The following PRAMEF11 variants were observed in gnomAD, a reference collection of about 807,000 sequenced individuals.
PRAMEF11 encodes the protein PRAME family member 11.
Under a neutral mutation model 33.6 loss-of-function variants are expected in PRAMEF11, and 17 were observed. The observed-to-expected ratio is 0.51, with a 90% CI of 0.35 to 0.76. PRAMEF11 has a LOEUF of 0.76. Ranked by LOEUF, PRAMEF11 falls within the 30% of genes least tolerant of loss-of-function variation. The pLI is 0.01. For synonymous variants in PRAMEF11, 205 were observed against 227.3 expected, an observed-to-expected ratio of 0.90 and a Z score of 0.88; for missense variants, 568 against 567.0, an observed-to-expected ratio of 1.00 and a Z score of -0.02.
chr1:12,826,806 T>C (rs1043825792), intron 3 of PRAMEF11, among the ~76,000 whole-genome samples: 134 of 151,336 alleles, frequency 8.9e-4, no homozygotes, highest in African/African-American at 3.2e-3. Context: ...TATTTATTCA[T>C]TTCTGACAGG....
At chr1:12,829,065 G>A (rs1308271001) in intron 1 of PRAMEF11, among the ~76,000 whole-genome samples, 1 of 151,582 alleles carries the variant, frequency 6.6e-6, no homozygotes, top group Non-Finnish European at 1.5e-5. Flanking sequence ...TGACTAGTGA[G>A]TGTGGAGGAA....
chr1:12,826,987 C>G (rs1326348967), intron 3 of PRAMEF11, among the ~76,000 whole-genome samples: 2 of 151,140 alleles, frequency 1.3e-5, no homozygotes, highest in Non-Finnish European at 3.0e-5. Context: ...GGCACCCTCA[C>G]TAGATCTGAA....
At chr1:12,830,368 A>G (rs1448205404) in intron 1 of PRAMEF11, among the ~76,000 whole-genome samples, 14 of 151,058 alleles carry the variant, frequency 9.3e-5, no homozygotes, top group Non-Finnish European at 1.8e-4. Context: ...GCTCACTGTT[A>G]CCTCGGCCTC....
chr1:12,830,399 T>C (rs1470448465), intron 1 of PRAMEF11, among the ~76,000 whole-genome samples: 2 of 151,376 alleles, frequency 1.3e-5, no homozygotes, highest in Non-Finnish European at 2.9e-5. Flanking sequence ...GCAATTCTCA[T>C]GCTTCAGCCT....
chr1:12,830,850 A>G (rs551074626), intron 1 of PRAMEF11, among the ~76,000 whole-genome samples: 12 of 150,654 alleles, frequency 8.0e-5, no homozygotes, highest in African/African-American at 2.7e-4. Flanking sequence ...TTAGCGAGGC[A>G]TGGTTTCAGA....
rs765965471 is a variant in PRAMEF11 at position 12,828,548 on chromosome 1, T to G, written c.242A>C (p.Gln81Pro). Reference protein sequence around the residue: ...LIKMPCLEAFQAVLDGLDALL... With the variant: ...LIKMPCLEAFPAVLDGLDALL... ...TGCATCCAGCCCATCGAGCACAGCT[T>G]GGAAGGCCTCCAGACAAGGCATCTT... The change falls in exon 2 of 4, where the codon CAA (glutamine) becomes CCA (proline). Residue 81 changes from glutamine (Q) to proline (P), a missense_variant. Physicochemically the swap from Gln to Pro is moderately conservative, Grantham distance 76. Around this residue, in one of 3 missense-constraint regions of PRAMEF11, gnomAD observed 342 missense variants for 312.0 expected, o/e 1.10. Coordinates refer to ENST00000619922, the MANE Select transcript of PRAMEF11 (RefSeq NM_001146344.3). The G allele has an allele frequency of 1.2e-5, 20 of 1,604,954 alleles. No individual in the cohort carries two copies. The African/African-American group carries it at 2.0e-4, about 16-fold the overall frequency.
chr1:12,830,964 G>A (rs1220424663), intron 1 of PRAMEF11, among the ~76,000 whole-genome samples: 1 of 147,336 alleles, frequency 6.8e-6, no homozygotes, highest in Non-Finnish European at 1.5e-5. Context: ...CTGCACTCCA[G>A]TCTGGGCAAC....
chr1:12,827,734 G>A lies in PRAMEF11; in HGVS notation c.390C>T (p.Ala130=), dbSNP rs3923270. 5.3e-4 allele frequency: 857 copies of A among 1,609,810 alleles called. 32 individuals are homozygous for A. In the Admixed American group the frequency reaches 0.011, roughly 21 times the overall value. ...EAMAHGCFLN[A]KRNKKPVQDC... ...CCTGCACTGGTTTTTTGTTCCTCTT[G>A]GCATTGAGGAAGCACCCATGGGCCA... The change falls in exon 3 of 4, where the codon GCC becomes GCT. Residue 130 remains alanine, a synonymous_variant. Coordinates refer to ENST00000619922, the MANE Select transcript of PRAMEF11 (RefSeq NM_001146344.3).
intron 3 of PRAMEF11, among the ~76,000 whole-genome samples, chr1:12,825,938 C>A (rs1281298110): frequency 6.7e-6 from 1 of 148,646 alleles, no homozygotes; most frequent in Admixed American, 6.8e-5. Context: ...CATGCCACTA[C>A]ACTCCAGCCT....
In PRAMEF11 at chr1:12,827,784, A is replaced by T. The variant is rs937939179; in HGVS notation, c.340T>A (p.Phe114Ile). Residue 114 changes from phenylalanine (F) to isoleucine (I), a missense_variant, in exon 3 of 4, where the codon TTC becomes ATC. By Grantham distance (21) the Phe-to-Ile change is conservative. Around this residue, in one of 3 missense-constraint regions of PRAMEF11, gnomAD observed 342 missense variants for 312.0 expected, o/e 1.10. Coordinates refer to ENST00000619922, the MANE Select transcript of PRAMEF11 (RefSeq NM_001146344.3). ...VLDLQDVCENFWMVWSEAMAH... is the reference protein window; with the variant it reads ...VLDLQDVCENIWMVWSEAMAH... ...ATAGCTTCAGACCAAACCATCCAGA[A>T]GTTCTCACAGACATCCTGTAAATCC... 1 of 1,608,730 alleles carries T rather than the reference A, an allele frequency of 6.2e-7. No homozygotes were observed. The highest frequency in any genetic ancestry group is 1.1e-5 in the South Asian group (1 of 90,498).
At chr1:12,826,867 C>T (rs886946953) in intron 3 of PRAMEF11, among the ~76,000 whole-genome samples, 1 of 151,314 alleles carries the variant, frequency 6.6e-6, no homozygotes, top group African/African-American at 2.4e-5. Flanking sequence ...CTCAAGCTAT[C>T]CTCTTGCCTC....
Position 12,828,744 on chromosome 1 carries a change from C to G in PRAMEF11, c.46G>C (p.Gly16Arg). The G allele has an allele frequency of 6.2e-7, 1 of 1,610,030 alleles. No homozygotes were observed. The highest frequency in any genetic ancestry group is 8.5e-7 in the Non-Finnish European group (1 of 1,178,014). ...GCTTGGTCCCTCAGCAGGCTCCGCCCCGCAAGCTCCAGGAGTCTGGGTGGA... is the reference window on the plus strand; with the variant it reads ...GCTTGGTCCCTCAGCAGGCTCCGCCGCGCAAGCTCCAGGAGTCTGGGTGGA... ...RIPPRLLELA[G>R]RSLLRDQALA... Residue 16 changes from glycine to arginine, a missense_variant, in exon 2 of 4, where the codon GGG (glycine) becomes CGG (arginine). Gly to Arg is a moderately radical substitution (Grantham distance 125). Around this residue, in one of 3 missense-constraint regions of PRAMEF11, gnomAD observed 342 missense variants for 312.0 expected, o/e 1.10. Transcript: ENST00000619922.
rs1290257370 is a variant in PRAMEF11, at chr1:12,827,000, C to A, written c.875+249G>T. Among the ~76,000 whole-genome samples the A allele has an allele frequency of 7.3e-5, 11 of 151,280 alleles. No homozygotes were observed. The East Asian group carries it at 2.0e-3, about 27-fold the overall frequency. On this transcript the variant is annotated intron_variant, in intron 3 of 3. Transcript: ENST00000619922. ...AAGGCACCCTCACTAGATCTGAACC[C>A]CCCAGTAGCTAGCTTCCTAGCATGG...
Position 12,827,160 on chromosome 1 carries a change from C to T in PRAMEF11, c.875+89G>A, listed in dbSNP as rs1639886238. The T allele has an allele frequency of 8.3e-6, 13 of 1,572,324 alleles. 1 individual carries two copies. The Admixed American group carries it at 8.5e-5, about 10-fold the overall frequency. ...AGTGTCCCCTTCACTGTTACATCCTCATAGGCTGGCTCACAGTAGATGCCC... is the reference window on the plus strand; with the variant it reads ...AGTGTCCCCTTCACTGTTACATCCTTATAGGCTGGCTCACAGTAGATGCCC... On this transcript the variant is annotated intron_variant, in intron 3 of 3. Coordinates refer to ENST00000619922, the MANE Select transcript of PRAMEF11 (RefSeq NM_001146344.3).
Position 12,827,341 on chromosome 1 carries a change from C to T in PRAMEF11, c.783G>A (p.Gln261=), listed in dbSNP as rs1186589647. Residue 261 remains glutamine, a synonymous_variant, in exon 3 of 4, where the codon CAG becomes CAA. Transcript: ENST00000619922. The part of the protein sequence containing the change: ...SPEQKKEIVT[Q]FTTQFLKLRC... ...GCAGCTTGAGGAACTGAGTGGTGAA[C>T]TGGGTAACAATCTCCTTCTTCTGCT... is the stretch of plus-strand genomic sequence containing the variant. The T allele has an allele frequency of 5.0e-6, 8 of 1,599,510 alleles. No homozygotes were observed. In the East Asian group the frequency reaches 9.0e-5, roughly 18 times the overall value.
At position 12,830,929 on chromosome 1, in the gene PRAMEF11, G is replaced by T. The variant is rs1456998410; in HGVS notation, c.-17+427C>A. ...AATTGCTTGAACCCGGGAGGTAAAG[G>T]TTGCAGTGAGTTGAGATCATGCCAC... is the stretch of plus-strand genomic sequence containing the variant. On this transcript the variant is annotated intron_variant, in intron 1 of 3. Coordinates refer to ENST00000619922, the MANE Select transcript of PRAMEF11 (RefSeq NM_001146344.3). 2.0e-5 allele frequency among the ~76,000 whole-genome samples: 3 copies of T among 150,240 alleles called. 1 individual carries two copies. The highest frequency in any genetic ancestry group is 4.4e-5 in the Non-Finnish European group (3 of 67,530).
At chr1:12,831,162 C>G (rs1240873194) in intron 1 of PRAMEF11, among the ~76,000 whole-genome samples, 194 bp downstream of exon 1, 1 of 150,544 alleles carries the variant, frequency 6.6e-6, no homozygotes, top group Non-Finnish European at 1.5e-5. Flanking sequence ...TGACATCAAC[C>G]AAAGCACAAT....
intron 2 of PRAMEF11, among the ~76,000 whole-genome samples, chr1:12,828,145 C>G (rs143314019): frequency 2.0e-5 from 3 of 148,686 alleles, no homozygotes; most frequent in Non-Finnish European, 4.5e-5. Context: ...ACCACCATGC[C>G]CAGCTAATTT....
chr1:12,827,963 C>T (rs917805880), intron 2 of PRAMEF11, 133 bp from the exon 3 acceptor site: 3 of 1,498,366 alleles, frequency 2.0e-6, no homozygotes, highest in East Asian at 4.5e-5. Context: ...CTGTTTTCCC[C>T]TTGGATCCTA....
Sources: allele counts gnomAD v4.1 joint callset (sites outside exome capture counted in the v4.1 genomes callset), GRCh38; gene constraint gnomAD v4.1.1; regional missense constraint gnomAD v4.1.1; transcripts MANE v1.5; gene names NCBI Gene and HGNC (gene_info 2026-07-23, HGNC 2026-07-21).